CLASP1: variants seen among roughly 807,000 people sequenced by gnomAD.
CLASP1 encodes cytoplasmic linker associated protein 1.
Under a neutral mutation model 192.3 loss-of-function variants are expected in CLASP1, and 38 were observed. The observed-to-expected ratio is 0.20, with a 90% confidence interval of 0.15 to 0.26. CLASP1 has a LOEUF of 0.26. Among genes scored for constraint, CLASP1 ranks in the 10% least tolerant of loss-of-function variants. The pLI is 1.00. For synonymous variants in CLASP1, 691 were observed against 712.8 expected (o/e 0.97, Z 0.49); for missense variants, 1,433 against 1,932.5 (o/e 0.74, Z 4.85).
intron 39 of CLASP1, among the ~76,000 whole-genome samples, chr2:121,345,912 T>C (rs1478874013): frequency 7.2e-5 from 11 of 152,180 alleles, no homozygotes; most frequent in Non-Finnish European, 1.6e-4. Context: ...TTAAACTTCC[T>C]ACCACACACA....
At chr2:121,429,969 T>G in intron 20 of CLASP1, 104 bp downstream of exon 20, 1 of 818,058 alleles carries the variant, frequency 1.2e-6, no homozygotes. Flanking sequence ...ACAAAAAATG[T>G]GTTTTTCCCT....
chr2:121,406,292 G>A (rs2076902851), intron 25 of CLASP1, among the ~76,000 whole-genome samples: 2 of 152,150 alleles, frequency 1.3e-5, no homozygotes, highest in African/African-American at 4.8e-5. Context: ...AAAGAAAAAA[G>A]CAAAAACGAT....
intron 6 of CLASP1, among the ~76,000 whole-genome samples, chr2:121,523,168 C>T (rs772482253): frequency 3.9e-5 from 6 of 152,186 alleles, no homozygotes; most frequent in African/African-American, 1.2e-4. Context: ...TCTTACATTG[C>T]GTCAGGTAGC....
intron 26 of CLASP1, chr2:121,403,376 G>GGAT (rs2076419750): frequency 4.4e-6 from 2 of 456,390 alleles, no homozygotes; most frequent in Admixed American, 4.7e-5. Flanking sequence ...ATGAATGGGT[G>GGAT]GATGGATGTT....
chr2:121,403,828 G>A (rs2076505739), intron 26 of CLASP1: 2 of 460,996 alleles, frequency 4.3e-6, no homozygotes, highest in Non-Finnish European at 8.8e-6. Flanking sequence ...ATGGCCCTCA[G>A]GAGGTGTGGG....
intron 8 of CLASP1, 138 bp from the exon 9 acceptor site, chr2:121,470,098 C>T (rs372402659): frequency 2.7e-6 from 2 of 742,710 alleles, no homozygotes; most frequent in African/African-American, 1.8e-5. Flanking sequence ...CTGAGGTGCT[C>T]CTCTAGGGTC....
At chr2:121,636,703 A>T (rs1308834686) in intron 1 of CLASP1, among the ~76,000 whole-genome samples, 1 of 152,156 alleles carries the variant, frequency 6.6e-6, no homozygotes, top group Non-Finnish European at 1.5e-5. Context: ...TTTTTAAAAA[A>T]TTTCAGACAT....
At chr2:121,401,655 C>G (rs772102022) in exon 28 of CLASP1, 1 of 1,609,482 alleles carries the variant, frequency 6.2e-7, no homozygotes, top group Admixed American at 1.7e-5. Context: ...CAAGAGTCTC[C>G]AAAAACATAC....
rs187135516 is a variant in CLASP1 at position 121,558,915 on chromosome 2, C to T, written c.196-28590G>A. On this transcript the variant is annotated intron_variant, in intron 2 of 39. Transcript: ENST00000263710. ...TGTTTCATAAGAATGACCTTGCAAA[C>T]TGAAGCTTTCAACCTGGCCTGGGAA... Among the ~76,000 whole-genome samples the T allele has an allele frequency of 7.9e-5, 12 of 152,348 alleles. No individual in the cohort carries two copies. In the East Asian group the frequency reaches 2.3e-3, roughly 29 times the overall value.
At chr2:121,467,366 G>C (rs1383132257) in intron 9 of CLASP1, among the ~76,000 whole-genome samples, 1 of 152,114 alleles carries the variant, frequency 6.6e-6, no homozygotes. Flanking sequence ...CTGCCTCTAG[G>C]TCTTTGGGGA....
At position 121,525,948 on chromosome 2, in the gene CLASP1, T is replaced by C. The variant is rs367839277; in HGVS notation, c.471-28A>G. On this transcript the variant is annotated intron_variant, in intron 5 of 39. Transcript: ENST00000263710. Reference sequence around the variant, plus strand: ...GAAAACAAAAGGAGTGCTTTCTTGTTAGTGAGAACTGAGGAAAGAAAGAAA... The same window carrying C: ...GAAAACAAAAGGAGTGCTTTCTTGTCAGTGAGAACTGAGGAAAGAAAGAAA... The C allele has an allele frequency of 1.7e-5, 26 of 1,549,244 alleles. No homozygotes were observed. The African/African-American group carries it at 3.1e-4, about 19-fold the overall frequency.
At chr2:121,574,011 G>A (rs1025436677) in intron 2 of CLASP1, among the ~76,000 whole-genome samples, 1 of 152,124 alleles carries the variant, frequency 6.6e-6, no homozygotes, top group Non-Finnish European at 1.5e-5. Context: ...TTAGACAAGA[G>A]GAATAAGTTT....
intron 2 of CLASP1, among the ~76,000 whole-genome samples, chr2:121,554,316 G>A (rs1250069763): frequency 2.0e-5 from 3 of 152,014 alleles, no homozygotes; most frequent in East Asian, 1.9e-4. Flanking sequence ...TGTGAAGTAC[G>A]ATAAATCAGA....
intron 2 of CLASP1, among the ~76,000 whole-genome samples, chr2:121,559,964 C>CT (rs2058934169): frequency 6.6e-6 from 1 of 151,882 alleles, no homozygotes; most frequent in African/African-American, 2.4e-5. Context: ...AGAAAAAAGA[C>CT]ATTAGTGGAA....
intron 19 of CLASP1, among the ~76,000 whole-genome samples, chr2:121,442,358 T>G (rs1303394255): frequency 6.6e-6 from 1 of 152,228 alleles, no homozygotes; most frequent in Non-Finnish European, 1.5e-5. Context: ...TTTTTCTAAT[T>G]AGTCATAAAT....
intron 2 of CLASP1, among the ~76,000 whole-genome samples, chr2:121,587,112 G>A (rs1308312841): frequency 1.3e-5 from 2 of 152,220 alleles, no homozygotes; most frequent in South Asian, 2.1e-4. Context: ...ACAGTGGTGC[G>A]AGCCTGTAGT....
intron 2 of CLASP1, among the ~76,000 whole-genome samples, chr2:121,562,559 C>G (rs914197038): frequency 3.3e-5 from 5 of 152,218 alleles, no homozygotes; most frequent in Non-Finnish European, 1.5e-5. Context: ...ATAAAATCAA[C>G]TGAGTAGAAT....
chr2:121,587,961 T>C (rs1475451031), intron 2 of CLASP1, among the ~76,000 whole-genome samples: 5 of 151,776 alleles, frequency 3.3e-5, no homozygotes, highest in Admixed American at 6.6e-5. Context: ...TCACCTGAAG[T>C]CAGGAGGTTC....
At chr2:121,530,048 G>A (rs1369093800) in intron 3 of CLASP1, among the ~76,000 whole-genome samples, 199 bp downstream of exon 3, 1 of 151,996 alleles carries the variant, frequency 6.6e-6, no homozygotes, top group African/African-American at 2.4e-5. Context: ...AAGGCAGCGG[G>A]GCGGCCGACC....
Sources: allele counts gnomAD v4.1 joint callset (sites outside exome capture counted in the v4.1 genomes callset), GRCh38; gene constraint gnomAD v4.1.1; transcripts MANE v1.5; gene names NCBI Gene and HGNC (gene_info 2026-07-23, HGNC 2026-07-21).